Variants in HP1BP3 observed in about 807,000 individuals in gnomAD.
HP1BP3 encodes the protein heterochromatin protein 1 binding protein 3, also known as heterochromatin protein 1-binding protein 3.
In HP1BP3, 12 loss-of-function variants were observed where a neutral mutation model predicts 62.5. The ratio of observed to expected loss-of-function variants is 0.19; its 90% CI spans 0.12 to 0.31. The LOEUF (loss-of-function observed/expected upper bound fraction) is 0.31, where lower values mean the gene tolerates loss of function less well. Ranked by LOEUF, HP1BP3 falls within the 10% of genes least tolerant of loss-of-function variation. The pLI, the probability that HP1BP3 is intolerant of heterozygous loss-of-function variation, is 1.00. For synonymous variants in HP1BP3, 260 were observed against 237.8 expected (o/e 1.09, Z -0.86); for missense variants, 502 against 651.8 (o/e 0.77, Z 2.50).
At chr1:20,746,371 T>TTG (rs370006944) in intron 11 of HP1BP3, among the ~76,000 whole-genome samples, 1 of 151,690 alleles carries the variant, frequency 6.6e-6, no homozygotes, top group Admixed American at 6.6e-5. Flanking sequence ...ATGTAACATT[T>TTG]TGTGTGTGTG....
At chr1:20,768,183 A>C (rs2056877526) in intron 6 of HP1BP3, among the ~76,000 whole-genome samples, 1 of 152,240 alleles carries the variant, frequency 6.6e-6, no homozygotes, top group African/African-American at 2.4e-5. Context: ...GCGGTGGCTC[A>C]TGCCTGTAAT....
intron 1 of HP1BP3, among the ~76,000 whole-genome samples, chr1:20,784,577 C>T (rs1343556540): frequency 1.3e-5 from 2 of 150,752 alleles, no homozygotes; most frequent in South Asian, 4.2e-4. Context: ...TCCCGGTTCA[C>T]GCCATTCTCC....
chr1:20,768,712 C>T (rs1218981530), intron 6 of HP1BP3, among the ~76,000 whole-genome samples: 1 of 151,574 alleles, frequency 6.6e-6, no homozygotes, highest in East Asian at 1.9e-4. Context: ...TGGTAGCGGG[C>T]GCCTGTAATC....
chr1:20,745,337 C>A (rs1238786733), intron 12 of HP1BP3, among the ~76,000 whole-genome samples: 1 of 152,164 alleles, frequency 6.6e-6, no homozygotes, highest in Non-Finnish European at 1.5e-5. Context: ...CTTTGAATAA[C>A]TAAACTATGG....
Position 20,780,530 on chromosome 1 carries a change from G to A in HP1BP3, c.-90C>T. On this transcript the variant is annotated 5_prime_UTR_variant, in exon 2 of 13. Transcript: ENST00000438032. ...TTTTTCCTAATGGTTTCAGTGTGGT[G>A]AAGAATCAACCTAAAGCACAGAAAA... The A allele has an allele frequency of 1.1e-6, 1 of 913,510 alleles. No homozygotes were observed. The highest frequency in any genetic ancestry group is 2.1e-4 in the Middle Eastern group (1 of 4,710). 56.6% of individuals were successfully genotyped at this position (913,510 alleles called of 1,614,324 possible). A position where few individuals can be genotyped will look rare whatever the true frequency, so the allele number is the denominator to read the frequency against.
chr1:20,783,861 T>C (rs1044986278), intron 1 of HP1BP3, among the ~76,000 whole-genome samples: 2 of 151,718 alleles, frequency 1.3e-5, no homozygotes, highest in Admixed American at 1.3e-4. Context: ...AAAGCTTCAA[T>C]CTGTAGTACC....
chr1:20,765,488 T>C lies in HP1BP3; in HGVS notation c.779A>G (p.Glu260Gly). The stretch of plus-strand genomic sequence containing the variant: ...AGTAAAGGCCAGTGGGAGGACATCC[T>C]CCAATTTTACTTGTGGTTCTGGATC... ...AVDPEPQVKLEDVLPLAFTRL... is the reference protein window; with the variant it reads ...AVDPEPQVKLGDVLPLAFTRL... The change falls in exon 8 of 13, where the codon GAG (glutamate) becomes GGG (glycine). Residue 260 changes from glutamate to glycine, a missense_variant. Transcript: ENST00000438032. 1.9e-6 allele frequency: 3 copies of C among 1,613,580 alleles called. No individual in the cohort carries two copies. Among genetic ancestry groups the C allele is most frequent in the Non-Finnish European group, 2.5e-6 (3 of 1,179,650 alleles).
intron 8 of HP1BP3, among the ~76,000 whole-genome samples, 197 bp downstream of exon 8, chr1:20,765,180 A>AC (rs1264327635): frequency 1.3e-5 from 2 of 151,352 alleles, no homozygotes; most frequent in African/African-American, 4.8e-5. Context: ...AAAACTAAAA[A>AC]AAAAAAAAAA....
intron 1 of HP1BP3, 102 bp downstream of exon 1, chr1:20,787,093 G>A (rs1260716376): frequency 1.3e-5 from 2 of 151,864 alleles, no homozygotes; most frequent in Admixed American, 6.6e-5. Context: ...CCTCCTCTCT[G>A]GGAGCGGCGT....
At chr1:20,762,984 A>G (rs1018294291) in intron 8 of HP1BP3, among the ~76,000 whole-genome samples, 1 of 152,148 alleles carries the variant, frequency 6.6e-6, no homozygotes, top group African/African-American at 2.4e-5. Flanking sequence ...AGTTATAGGG[A>G]TGGCTTCGTG....
intron 9 of HP1BP3, 123 bp downstream of exon 9, chr1:20,757,043 C>T (rs1470634810): frequency 1.3e-5 from 7 of 555,976 alleles, no homozygotes; most frequent in Non-Finnish European, 1.9e-5. Context: ...TAAATGTTGA[C>T]AGATATAACC....
rs377133728 is a variant in HP1BP3 at position 20,776,773 on chromosome 1, T to G, written c.197-23A>C. 155 of 1,601,154 alleles carry G rather than the reference T, an allele frequency of 9.7e-5. No individual in the cohort carries two copies. The African/African-American group carries it at 1.9e-3, about 20-fold the overall frequency. On this transcript the variant is annotated intron_variant, in intron 3 of 12. Coordinates refer to ENST00000438032, the MANE Select transcript of HP1BP3 (RefSeq NM_001372052.1). ...GTTCTAAAAAATCAGGTGAGCAGAA[T>G]TGCATAAGCAGATGTATTCCAATCT...
chr1:20,769,133 A>C, intron 6 of HP1BP3, among the ~76,000 whole-genome samples: 1 of 152,188 alleles, frequency 6.6e-6, no homozygotes, highest in East Asian at 1.9e-4. Context: ...TCTGTCACCC[A>C]TGCTGGAGTG....
chr1:20,756,320 C>A (rs1457255718), intron 9 of HP1BP3, among the ~76,000 whole-genome samples: 1 of 151,992 alleles, frequency 6.6e-6, no homozygotes, highest in Non-Finnish European at 1.5e-5. Context: ...CCAAAATAAA[C>A]TGGAACAGAT....
intron 1 of HP1BP3, among the ~76,000 whole-genome samples, chr1:20,782,923 AAAAAG>A (rs1485656916): frequency 9.3e-5 from 14 of 150,866 alleles, no homozygotes; most frequent in South Asian, 4.2e-4. Context: ...AAAAAAAAAA[AAAAAG>A]AAAGAAAAAA....
At chr1:20,748,530 A>G (rs1425458292) in intron 10 of HP1BP3, among the ~76,000 whole-genome samples, 3 of 152,184 alleles carry the variant, frequency 2.0e-5, no homozygotes, top group Non-Finnish European at 4.4e-5. Context: ...GCAGATCACG[A>G]GGTAAGGAGA....
At chr1:20,759,396 T>C (rs1253138923) in intron 8 of HP1BP3, among the ~76,000 whole-genome samples, 1 of 152,172 alleles carries the variant, frequency 6.6e-6, no homozygotes, top group Non-Finnish European at 1.5e-5. Flanking sequence ...AGAGCAAAAC[T>C]CTGTCTCCAA....
intron 11 of HP1BP3, among the ~76,000 whole-genome samples, chr1:20,746,518 G>C (rs1178876607): frequency 1.3e-5 from 2 of 152,180 alleles, no homozygotes; most frequent in Non-Finnish European, 2.9e-5. Flanking sequence ...CAGGGTCTTA[G>C]TGGTATATGT....
At chr1:20,780,060 G>C (rs925532304) in intron 2 of HP1BP3, 149 bp from the exon 3 acceptor site, 1 of 612,488 alleles carries the variant, frequency 1.6e-6, no homozygotes. Flanking sequence ...AGTTTTTTTT[G>C]AAGTGAAATA....
Sources: allele counts gnomAD v4.1 joint callset (sites outside exome capture counted in the v4.1 genomes callset), GRCh38; gene constraint gnomAD v4.1.1; transcripts MANE v1.5; gene names NCBI Gene and HGNC (gene_info 2026-07-23, HGNC 2026-07-21).